Variants in SGCZ observed in about 807,000 individuals in gnomAD.
The protein encoded by SGCZ is sarcoglycan zeta.
SGCZ carries 40 observed loss-of-function variants against 41.3 expected under a neutral mutation model. That is an observed-to-expected ratio of 0.97 (90% CI 0.75 to 1.26). The LOEUF (loss-of-function observed/expected upper bound fraction) is 1.26, where lower values mean the gene tolerates loss of function less well. Among genes scored for constraint, SGCZ ranks in the 50% most tolerant of loss-of-function variants. The probability of loss-of-function intolerance (pLI) is 0.00; values close to 1 mark genes in which losing one functional copy is unlikely to be tolerated. For missense variants in SGCZ, 552 were observed against 369.8 expected, an observed-to-expected ratio of 1.49 and a Z score of -4.04; for synonymous variants, 206 against 137.5, an observed-to-expected ratio of 1.50 and a Z score of -3.49.
At chr8:14,462,686 G>C (rs781726909) in intron 2 of SGCZ, among the ~76,000 whole-genome samples, 8 of 151,776 alleles carry the variant, frequency 5.3e-5, no homozygotes, top group Non-Finnish European at 1.0e-4. Flanking sequence ...TTTCAAGCTT[G>C]ATTGTGCTCT....
At chr8:15,176,696 C>G (rs536841023) in intron 1 of SGCZ, among the ~76,000 whole-genome samples, 1 of 152,228 alleles carries the variant, frequency 6.6e-6, no homozygotes, top group East Asian at 1.9e-4. Context: ...GATAGTCAAA[C>G]CTTATCAAAA....
chr8:14,841,993 T>A (rs1369715640), intron 1 of SGCZ, among the ~76,000 whole-genome samples: 1 of 152,186 alleles, frequency 6.6e-6, no homozygotes, highest in South Asian at 2.1e-4. Context: ...TGGGTATAAG[T>A]ATGTGTGGAC....
At chr8:15,113,432 G>A (rs17655539) in intron 1 of SGCZ, among the ~76,000 whole-genome samples, 30,338 of 151,964 alleles carry the variant, frequency 0.2, 3,131 homozygotes, top group East Asian at 0.33. Context: ...GATATCAACT[G>A]CTCTGCCTTC....
intron 1 of SGCZ, among the ~76,000 whole-genome samples, chr8:14,670,998 T>C (rs1465715669): frequency 2.0e-5 from 3 of 152,214 alleles, no homozygotes; most frequent in Non-Finnish European, 4.4e-5. Flanking sequence ...TATATACCCA[T>C]GTTTCTAGCT....
intron 1 of SGCZ, among the ~76,000 whole-genome samples, chr8:14,845,155 C>T (rs1415568988): frequency 6.6e-6 from 1 of 152,044 alleles, no homozygotes; most frequent in African/African-American, 2.4e-5. Context: ...ATGATGGTGC[C>T]CAGCACTCAC....
intron 3 of SGCZ, among the ~76,000 whole-genome samples, chr8:14,271,921 C>T (rs1462827785): frequency 2.0e-5 from 3 of 152,090 alleles, no homozygotes; most frequent in African/African-American, 4.8e-5. Flanking sequence ...GTACATTTTT[C>T]GTAAATATGG....
rs1171470596 is a variant in SGCZ at position 14,661,739 on chromosome 8, T to A, written c.40-106813A>T. Among the ~76,000 whole-genome samples, 36 of 151,976 alleles carry A rather than the reference T, an allele frequency of 2.4e-4. 1 individual carries two copies. Among genetic ancestry groups the A allele is most frequent in the Non-Finnish European group, 3.5e-4 (24 of 67,990 alleles). On this transcript the variant is annotated intron_variant, in intron 1 of 7. Coordinates refer to ENST00000382080, the MANE Select transcript of SGCZ (RefSeq NM_139167.4). ...TCAAAAAGGAGAGTAGAGTAACACA[T>A]GAACAATGAATGGGAGAAGAAAATT...
chr8:14,328,835 G>T (rs991526897), intron 2 of SGCZ, among the ~76,000 whole-genome samples: 6 of 152,152 alleles, frequency 3.9e-5, no homozygotes, highest in Admixed American at 6.5e-5. Flanking sequence ...CTTGTGAATG[G>T]AACTAAGGCC....
At chr8:14,246,460 C>T (rs1466245717) in intron 3 of SGCZ, among the ~76,000 whole-genome samples, 5 of 146,156 alleles carry the variant, frequency 3.4e-5, no homozygotes, top group Non-Finnish European at 6.0e-5. Flanking sequence ...GTGGGGGGAG[C>T]GGGGAGGGAT....
chr8:14,998,353 C>T (rs1395202325), intron 1 of SGCZ, among the ~76,000 whole-genome samples: 1 of 152,156 alleles, frequency 6.6e-6, no homozygotes, highest in African/African-American at 2.4e-5. Context: ...GAATACAGTT[C>T]TGGGTTGTAG....
intron 2 of SGCZ, among the ~76,000 whole-genome samples, chr8:14,455,847 T>C (rs1031828860): frequency 6.6e-6 from 1 of 152,218 alleles, no homozygotes; most frequent in African/African-American, 2.4e-5. Context: ...CAAAGTAAAG[T>C]ACAAAAGAGT....
At chr8:14,250,122 A>G (rs1799235633) in intron 3 of SGCZ, among the ~76,000 whole-genome samples, 1 of 152,222 alleles carries the variant, frequency 6.6e-6, no homozygotes, top group Non-Finnish European at 1.5e-5. Flanking sequence ...TGGTCTGCAG[A>G]TTACTCTTTG....
At chr8:14,568,530 G>C (rs996112739) in intron 1 of SGCZ, among the ~76,000 whole-genome samples, 2 of 148,506 alleles carry the variant, frequency 1.3e-5, no homozygotes, top group African/African-American at 4.9e-5. Context: ...CTTTTCTGTT[G>C]CTTTATGATT....
At chr8:14,392,682 C>G (rs574562285) in intron 2 of SGCZ, among the ~76,000 whole-genome samples, 1 of 152,096 alleles carries the variant, frequency 6.6e-6, no homozygotes, top group South Asian at 2.1e-4. Context: ...AATACTATAT[C>G]CATATAAAAA....
intron 1 of SGCZ, among the ~76,000 whole-genome samples, chr8:14,656,649 C>T (rs897110586): frequency 7.4e-5 from 11 of 149,250 alleles, no homozygotes; most frequent in Non-Finnish European, 1.2e-4. Flanking sequence ...CTTTCCTCTC[C>T]TTTCATTTCC....
At chr8:14,899,604 G>A (rs1043145960) in intron 1 of SGCZ, among the ~76,000 whole-genome samples, 3 of 152,126 alleles carry the variant, frequency 2.0e-5, no homozygotes, top group Admixed American at 1.3e-4. Flanking sequence ...CATGCTTGGA[G>A]GCTCCAGGTT....
rs78017267 is a variant in SGCZ, at chr8:15,175,926, G to A, written c.39+61659C>T. Among the ~76,000 whole-genome samples the A allele has an allele frequency of 2.7e-3, 411 of 152,212 alleles. 13 individuals are homozygous for A. In the East Asian group the frequency reaches 0.07, roughly 26 times the overall value. ...GCAGTCAAGATTGCTAGGAAGATGG[G>A]CTAAATTCAGGGTAAAAATGGAAAC... On this transcript the variant is annotated intron_variant, in intron 1 of 7. Transcript: ENST00000382080.
chr8:14,753,025 G>A (rs1276257727), intron 1 of SGCZ, among the ~76,000 whole-genome samples: 8 of 151,942 alleles, frequency 5.3e-5, no homozygotes, highest in Middle Eastern at 3.4e-3. Context: ...TCTCCGTACT[G>A]TAATTTTCAT....
intron 2 of SGCZ, among the ~76,000 whole-genome samples, chr8:14,366,523 A>G (rs1368876861): frequency 1.3e-5 from 2 of 152,114 alleles, no homozygotes; most frequent in East Asian, 1.9e-4. Flanking sequence ...AAGTATAACC[A>G]TATCATTCCA....
Sources: allele counts gnomAD v4.1 joint callset (sites outside exome capture counted in the v4.1 genomes callset), GRCh38; gene constraint gnomAD v4.1.1; transcripts MANE v1.5; gene names NCBI Gene and HGNC (gene_info 2026-07-23, HGNC 2026-07-21).